Variants in CDH3 observed in about 807,000 individuals in gnomAD.
CDH3 encodes cadherin-3.
In CDH3, 54 loss-of-function variants were observed where a neutral mutation model predicts 82.0. That is an observed-to-expected ratio of 0.66 (90% CI 0.53 to 0.83). CDH3 has a LOEUF of 0.83. Ranked by LOEUF, CDH3 falls within the 40% of genes least tolerant of loss-of-function variation. CDH3 has a pLI of 0.00. For missense variants in CDH3, 1,054 were observed against 1,084.6 expected (o/e 0.97, Z 0.40); for synonymous variants, 446 against 437.9 (o/e 1.02, Z -0.23).
At chr16:68,724,584 A>G (rs2152111609) in intron 2 of CDH3, among the ~76,000 whole-genome samples, 1 of 151,756 alleles carries the variant, frequency 6.6e-6, no homozygotes, top group South Asian at 2.1e-4. Flanking sequence ...CTATGATCCC[A>G]CCACTGCATT....
chr16:68,709,510 G>A (rs1413897092), intron 1 of CDH3, among the ~76,000 whole-genome samples: 1 of 152,166 alleles, frequency 6.6e-6, no homozygotes, highest in African/African-American at 2.4e-5. Context: ...CCAGGCTGGA[G>A]TACAGTGGCA....
chr16:68,657,608 G>A (rs1359369335), intron 2 of CDH3, among the ~76,000 whole-genome samples: 1 of 152,198 alleles, frequency 6.6e-6, no homozygotes, highest in Non-Finnish European at 1.5e-5. Context: ...AGGGCTCAGA[G>A]CCAAGGCCAC....
downstream of CDH3, among the ~76,000 whole-genome samples, chr16:68,732,296 T>C (rs942970079): frequency 6.6e-6 from 1 of 152,240 alleles, no homozygotes; most frequent in African/African-American, 2.4e-5. Context: ...GGGCTGGCGG[T>C]TGGACTCTTC....
rs2296410 is a variant in CDH3 at position 68,678,314 on chromosome 16, T to C, written c.390+37T>C. On this transcript the variant is annotated intron_variant, in intron 4 of 15. Transcript: ENST00000264012. ...CCTTCTCCTGGGAAGCATTGGTGGC[T>C]CCAGGGACCCCCATCCAAAGGCCTG... is the stretch of plus-strand genomic sequence containing the variant. 0.87 allele frequency: 1,404,425 copies of C among 1,612,428 alleles called. 613,439 individuals carry two copies. Among genetic ancestry groups the C allele is most frequent in the Non-Finnish European group, 0.89 (1,046,571 of 1,178,632 alleles).
intron 2 of CDH3, among the ~76,000 whole-genome samples, chr16:68,674,864 C>G (rs949889802): frequency 6.6e-6 from 1 of 152,156 alleles, no homozygotes; most frequent in Non-Finnish European, 1.5e-5. Context: ...CCTGTAATCC[C>G]AGCATTCTGG....
intron 8 of CDH3, 28 bp from the exon 9 acceptor site, chr16:68,682,274 G>T: frequency 1.9e-6 from 3 of 1,609,420 alleles, no homozygotes; most frequent in South Asian, 2.2e-5. Flanking sequence ...TCTCTGCTCT[G>T]ATAGTGCTGT....
At chr16:68,706,309 C>T (rs1410210164) in intron 1 of CDH3, among the ~76,000 whole-genome samples, 1 of 151,900 alleles carries the variant, frequency 6.6e-6, no homozygotes, top group Non-Finnish European at 1.5e-5. Flanking sequence ...AGTCCCAGCC[C>T]AGGAGCAGCG....
At chr16:68,666,669 C>G (rs576141005) in intron 2 of CDH3, among the ~76,000 whole-genome samples, 22 of 152,154 alleles carry the variant, frequency 1.4e-4, no homozygotes, top group African/African-American at 5.3e-4. Context: ...GGCTCAGCCC[C>G]TCTCTCTCTC....
At chr16:68,708,325 CA>C (rs774076982) in intron 1 of CDH3, among the ~76,000 whole-genome samples, 5,054 of 123,018 alleles carry the variant, frequency 0.041, 252 homozygotes, top group African/African-American at 0.13. Flanking sequence ...AATTCCATCT[CA>C]AAAAAAAAAA....
intron 3 of CDH3, among the ~76,000 whole-genome samples, chr16:68,677,468 T>C (rs1961063329): frequency 1.3e-5 from 2 of 152,242 alleles, no homozygotes; most frequent in African/African-American, 2.4e-5. Context: ...CCGAATGCGG[T>C]GGCTCACGCG....
chr16:68,661,402 TATGGTGAAGATTAA>T (rs566455984), intron 2 of CDH3, among the ~76,000 whole-genome samples: 76 of 152,306 alleles, frequency 5.0e-4, no homozygotes, highest in African/African-American at 1.8e-3. Flanking sequence ...CTCATATGGT[TATGGTGAAGATTAA>T]ATGAGTTTGT....
rs148346680 is a variant in CDH3 at position 68,696,055 on chromosome 16, C to T, written c.2280+132C>T. ...GACTCCACCACCAACCAGCTTTTGA[C>T]CTCTGGCTTATTTGAGTAACTTCTG... is the stretch of plus-strand genomic sequence containing the variant. On this transcript the variant is annotated intron_variant, in intron 15 of 15. Coordinates refer to ENST00000264012, the MANE Select transcript of CDH3 (RefSeq NM_001793.6). 233 of 921,970 alleles carry T rather than the reference C, an allele frequency of 2.5e-4. No homozygotes were observed. The African/African-American group carries it at 3.5e-3, about 14-fold the overall frequency. 57.1% of individuals were successfully genotyped at this position (921,970 alleles called of 1,614,324 possible).
intron 1 of CDH3, among the ~76,000 whole-genome samples, chr16:68,717,793 A>G (rs1962112418): frequency 6.6e-6 from 1 of 151,748 alleles, no homozygotes; most frequent in East Asian, 1.9e-4. Flanking sequence ...AAAAAAAAGA[A>G]AGATGTGATT....
In CDH3 at chr16:68,663,426, G is replaced by T. The variant is rs994425623; in HGVS notation, c.161-12959G>T. On this transcript the variant is annotated intron_variant, in intron 2 of 15. Transcript: ENST00000264012. ...TTTTTTTGTATTTTTAGTAGAGACG[G>T]TGTTTCACCACGTTAGCCAGGATGG... 4.6e-5 allele frequency among the ~76,000 whole-genome samples: 7 copies of T among 150,778 alleles called. No individual in the cohort carries two copies. In the South Asian group the frequency reaches 1.3e-3, roughly 27 times the overall value.
At chr16:68,708,653 C>CT (rs1183267537) in intron 1 of CDH3, among the ~76,000 whole-genome samples, 4 of 130,942 alleles carry the variant, frequency 3.1e-5, no homozygotes, top group Admixed American at 7.7e-5. Context: ...TTTTTTTTTT[C>CT]TTTTTTTTGA....
At chr16:68,665,365 G>GC (rs1459147823) in intron 2 of CDH3, among the ~76,000 whole-genome samples, 3 of 152,152 alleles carry the variant, frequency 2.0e-5, no homozygotes, top group African/African-American at 7.2e-5. Context: ...TCATGCCACT[G>GC]CACTGCAGCC....
intron 2 of CDH3, chr16:68,651,457 C>T (rs992294212): frequency 6.1e-5 from 33 of 536,852 alleles, no homozygotes; most frequent in Non-Finnish European, 3.8e-5. Context: ...ATCTGCAGCC[C>T]GATGACGCAC....
At chr16:68,711,225 G>C (rs1962026202) in intron 1 of CDH3, among the ~76,000 whole-genome samples, 1 of 151,690 alleles carries the variant, frequency 6.6e-6, no homozygotes, top group Non-Finnish European at 1.5e-5. Context: ...CAGGAGAATC[G>C]CTTGAACCCA....
chr16:68,731,395 A>T (rs866556235), downstream of CDH3, among the ~76,000 whole-genome samples: 1,985 of 5,190 alleles, frequency 0.38, 611 homozygotes, highest in Non-Finnish European at 0.45. Flanking sequence ...AAAAAAAAAA[A>T]ATATATATAT....
Sources: allele counts gnomAD v4.1 joint callset (sites outside exome capture counted in the v4.1 genomes callset), GRCh38; gene constraint gnomAD v4.1.1; transcripts MANE v1.5; gene names NCBI Gene and HGNC (gene_info 2026-07-23, HGNC 2026-07-21).